The following PTPRN2 variants were observed in gnomAD, a reference collection of about 807,000 sequenced individuals.
The protein encoded by PTPRN2 is protein tyrosine phosphatase receptor type N2.
PTPRN2 carries 74 observed loss-of-function variants against 118.8 expected under a neutral mutation model. The ratio of observed to expected loss-of-function variants is 0.62; its 90% CI spans 0.52 to 0.76. The LOEUF (loss-of-function observed/expected upper bound fraction) is 0.76. PTPRN2 is among the 30% of genes least tolerant of loss of function. The pLI is 0.00. For synonymous variants in PTPRN2, 641 were observed against 608.0 expected, an observed-to-expected ratio of 1.05 and a Z score of -0.80; for missense variants, 1,481 against 1,394.4, an observed-to-expected ratio of 1.06 and a Z score of -0.99.
At chr7:158,486,573 C>T (rs926698298) in intron 2 of PTPRN2, among the ~76,000 whole-genome samples, 3 of 152,178 alleles carry the variant, frequency 2.0e-5, no homozygotes, top group Non-Finnish European at 2.9e-5. Flanking sequence ...AGAACCCTTA[C>T]AGTTTTTTCT....
chr7:158,147,537 T>G (rs1317219804), intron 6 of PTPRN2, among the ~76,000 whole-genome samples: 65 of 132,714 alleles, frequency 4.9e-4, no homozygotes, highest in African/African-American at 2.0e-3. Context: ...ACACCCCATC[T>G]CACGCCACGT....
intron 17 of PTPRN2, among the ~76,000 whole-genome samples, chr7:157,594,808 G>T (rs985728061): frequency 6.6e-6 from 1 of 152,178 alleles, no homozygotes; most frequent in African/African-American, 2.4e-5. Flanking sequence ...CTGGGCTTGC[G>T]TCGAGTAGAG....
At chr7:158,265,254 A>G (rs985589283) in intron 3 of PTPRN2, among the ~76,000 whole-genome samples, 15 of 151,904 alleles carry the variant, frequency 9.9e-5, no homozygotes, top group Middle Eastern at 3.4e-3. Flanking sequence ...AAACACCCCC[A>G]TGTGGCTCAG....
At chr7:158,566,352 C>CA (rs371158822) in intron 1 of PTPRN2, among the ~76,000 whole-genome samples, 1,800 of 127,828 alleles carry the variant, frequency 0.014, 12 homozygotes, top group African/African-American at 0.025. Flanking sequence ...AAAACTGTCT[C>CA]AAAAAAAAAA....
chr7:158,574,176 A>G lies in PTPRN2; in HGVS notation c.112+13382T>C, dbSNP rs1485597347. ...TAGTGATGAGCACTGTTCTCAGCAT[A>G]TATTGTGCATCGAGACAGCAAATAA... is the stretch of plus-strand genomic sequence containing the variant. On this transcript the variant is annotated intron_variant, in intron 1 of 22. Transcript: ENST00000389418. The surrounding 1 kb of genome is among the most constrained non-coding windows in gnomAD (Gnocchi z 4.6). Among the ~76,000 whole-genome samples, 2 of 152,194 alleles carry G rather than the reference A, an allele frequency of 1.3e-5. No homozygotes were observed. Among genetic ancestry groups the G allele is most frequent in the Admixed American group, 6.5e-5 (1 of 15,282 alleles).
chr7:158,466,916 C>G (rs755092512), intron 2 of PTPRN2, among the ~76,000 whole-genome samples: 10 of 152,206 alleles, frequency 6.6e-5, no homozygotes, highest in Admixed American at 3.3e-4. Flanking sequence ...TGGCACATGT[C>G]TGTAATCCCA....
intron 3 of PTPRN2, among the ~76,000 whole-genome samples, chr7:158,303,629 T>C (rs543554093): frequency 3.3e-5 from 5 of 152,204 alleles, no homozygotes; most frequent in Non-Finnish European, 7.3e-5. Context: ...TGTTGGTATA[T>C]AAAACAAGCT....
intron 2 of PTPRN2, among the ~76,000 whole-genome samples, chr7:158,469,428 G>A (rs1247471208): frequency 6.6e-6 from 1 of 152,002 alleles, no homozygotes; most frequent in African/African-American, 2.4e-5. Context: ...GGCAACAGAG[G>A]GAGACCATCT....
chr7:157,646,037 G>C (rs1210548574), intron 14 of PTPRN2, among the ~76,000 whole-genome samples: 3 of 152,258 alleles, frequency 2.0e-5, no homozygotes, highest in South Asian at 2.1e-4. Flanking sequence ...TCAGGGAAGA[G>C]AGTGGAGCCT....
chr7:157,888,701 G>A (rs1056284436), intron 12 of PTPRN2, among the ~76,000 whole-genome samples: 1 of 152,304 alleles, frequency 6.6e-6, no homozygotes, highest in Middle Eastern at 3.4e-3. Context: ...GATGACTTTC[G>A]TTACTGTGAG....
rs115379085 is a variant in PTPRN2 at position 158,114,802 on chromosome 7, C to T, written c.1557-3887G>A. Reference sequence around the variant, plus strand: ...CTACCACAGGGCTGAGAGAATGGATCGTGTTACTAGTCTAAGGCACAGAGC... The same window carrying T: ...CTACCACAGGGCTGAGAGAATGGATTGTGTTACTAGTCTAAGGCACAGAGC... On this transcript the variant is annotated intron_variant, in intron 9 of 22. Transcript: ENST00000389418. Among the ~76,000 whole-genome samples the T allele has an allele frequency of 3.8e-3, 585 of 152,228 alleles. 6 individuals carry two copies. The highest frequency in any genetic ancestry group is 0.014 in the African/African-American group (571 of 41,534).
chr7:157,789,771 G>A (rs1286960473), intron 12 of PTPRN2, among the ~76,000 whole-genome samples: 1 of 149,976 alleles, frequency 6.7e-6, no homozygotes, highest in African/African-American at 2.5e-5. Flanking sequence ...TATGTGTGGT[G>A]TGTGTGTATA....
chr7:158,540,925 G>C (rs1289074275), intron 1 of PTPRN2, among the ~76,000 whole-genome samples: 1 of 152,238 alleles, frequency 6.6e-6, no homozygotes, highest in Non-Finnish European at 1.5e-5. Context: ...CGAGCGCCAA[G>C]CACACAGGTG....
intron 2 of PTPRN2, among the ~76,000 whole-genome samples, chr7:158,382,553 C>G (rs1811043507): frequency 6.6e-6 from 1 of 152,184 alleles, no homozygotes; most frequent in Non-Finnish European, 1.5e-5. Context: ...TGAACCAGTA[C>G]AAGAACCAGG....
chr7:157,792,666 C>G, intron 12 of PTPRN2, among the ~76,000 whole-genome samples: 1 of 152,146 alleles, frequency 6.6e-6, no homozygotes, highest in East Asian at 1.9e-4. Context: ...CAGGCTTGTC[C>G]GCTGGCCACA....
chr7:158,446,129 T>C (rs1817710700), intron 2 of PTPRN2, among the ~76,000 whole-genome samples: 1 of 151,690 alleles, frequency 6.6e-6, no homozygotes, highest in African/African-American at 2.4e-5. Context: ...AACACACAGT[T>C]GCCCAAAGTC....
In PTPRN2 at chr7:158,301,279, C is replaced by T. The variant is rs527910452; in HGVS notation, c.277+15540G>A. ...GCAGGGCATGAACACAGACGAACCA[C>T]GACCAACTCAGCTGTCCCGAGGCTC... On this transcript the variant is annotated intron_variant, in intron 3 of 22. Coordinates refer to ENST00000389418, the MANE Select transcript of PTPRN2 (RefSeq NM_002847.5). Among the ~76,000 whole-genome samples, 6 of 152,306 alleles carry T rather than the reference C, an allele frequency of 3.9e-5. No homozygotes were observed. In the South Asian group the frequency reaches 6.2e-4, roughly 16 times the overall value.
intron 2 of PTPRN2, among the ~76,000 whole-genome samples, chr7:158,344,425 T>C (rs1284785131): frequency 1.3e-5 from 2 of 152,150 alleles, no homozygotes; most frequent in Non-Finnish European, 2.9e-5. Flanking sequence ...AGGCAGCTCC[T>C]CGACCAAACT....
rs746288313 is a variant in PTPRN2 at position 158,555,845 on chromosome 7, C to T, written c.112+31713G>A. ...GGATGATGAAGACACATCCTATCTT[C>T]GAGGACCCAGCTCGCAGAGAACAAA... On this transcript the variant is annotated intron_variant, in intron 1 of 22. Coordinates refer to ENST00000389418, the MANE Select transcript of PTPRN2 (RefSeq NM_002847.5). The surrounding 1 kb of genome is among the most constrained non-coding windows in gnomAD (Gnocchi z 4.7). Among the ~76,000 whole-genome samples the T allele has an allele frequency of 6.6e-6, 1 of 152,008 alleles. No individual in the cohort carries two copies. The highest frequency in any genetic ancestry group is 6.6e-5 in the Admixed American group (1 of 15,264).
Sources: allele counts gnomAD v4.1 joint callset (sites outside exome capture counted in the v4.1 genomes callset), GRCh38; gene constraint gnomAD v4.1.1; non-coding constraint Gnocchi (gnomAD v3.1); transcripts MANE v1.5; gene names NCBI Gene and HGNC (gene_info 2026-07-23, HGNC 2026-07-21).